The following RBFOX1 variants were observed in gnomAD, a reference collection of about 807,000 sequenced individuals.
The protein encoded by RBFOX1 is RNA binding fox-1 homolog 1, also known as RNA binding protein fox-1 homolog 1.
Under a neutral mutation model 57.7 loss-of-function variants are expected in RBFOX1, and 8 were observed. The ratio of observed to expected loss-of-function variants is 0.14; its 90% confidence interval spans 0.08 to 0.25. RBFOX1 has a LOEUF of 0.25. Ranked by LOEUF, RBFOX1 falls within the 10% of genes least tolerant of loss-of-function variation. The pLI is 1.00. For synonymous variants in RBFOX1, 326 were observed against 222.4 expected (o/e 1.47, Z -4.15); for missense variants, 611 against 548.5 (o/e 1.11, Z -1.14).
intron 2 of RBFOX1, among the ~76,000 whole-genome samples, chr16:6,536,468 A>T (rs1198027878): frequency 2.0e-5 from 3 of 152,166 alleles, no homozygotes; most frequent in Non-Finnish European, 4.4e-5. Context: ...ATCCCTCATA[A>T]ATTCCGTATC....
At chr16:6,075,237 T>G (rs1439588423) in intron 1 of RBFOX1, among the ~76,000 whole-genome samples, 2 of 152,230 alleles carry the variant, frequency 1.3e-5, no homozygotes, top group Non-Finnish European at 2.9e-5. Context: ...GCAATGCCAT[T>G]ACCGATGCAT....
chr16:5,250,493 A>G (rs1242465163), intron 1 of RBFOX1, among the ~76,000 whole-genome samples: 2 of 151,450 alleles, frequency 1.3e-5, no homozygotes, highest in Non-Finnish European at 2.9e-5. Flanking sequence ...TCATTGTTCA[A>G]CTCCCACTTA....
At chr16:7,219,227 C>A (rs550437034) in intron 4 of RBFOX1, among the ~76,000 whole-genome samples, 1 of 152,154 alleles carries the variant, frequency 6.6e-6, no homozygotes, top group African/African-American at 2.4e-5. Flanking sequence ...GCATGCTCTA[C>A]CAATTAACAC....
intron 1 of RBFOX1, among the ~76,000 whole-genome samples, chr16:5,380,937 A>C (rs115975067): frequency 0.011 from 1,733 of 152,346 alleles, 20 homozygotes; most frequent in African/African-American, 0.027. Context: ...CTTTTTATGC[A>C]CTAAAATGGC....
intron 2 of RBFOX1, among the ~76,000 whole-genome samples, chr16:5,560,177 C>T (rs550285411): frequency 6.6e-6 from 1 of 152,294 alleles, no homozygotes; most frequent in South Asian, 2.1e-4. Context: ...TGTGCACACA[C>T]TTTGTGAAAT....
chr16:6,835,620 G>A (rs566357280), intron 3 of RBFOX1, among the ~76,000 whole-genome samples: 1 of 151,914 alleles, frequency 6.6e-6, no homozygotes, highest in South Asian at 2.1e-4. Context: ...GGGCATGGTG[G>A]TGCACGACTG....
intron 5 of RBFOX1, among the ~76,000 whole-genome samples, chr16:7,568,880 C>G (rs1164823571): frequency 2.0e-4 from 4 of 19,644 alleles, no homozygotes; most frequent in Non-Finnish European, 5.5e-4. Flanking sequence ...GAGACTCTGT[C>G]TCAAAAAAAA....
At chr16:7,557,619 C>CAAAAAAAAAAAAAAAAA (rs1170051114) in intron 5 of RBFOX1, among the ~76,000 whole-genome samples, 2 of 40,762 alleles carry the variant, frequency 4.9e-5, no homozygotes, top group African/African-American at 9.1e-5. Flanking sequence ...GACTCTGTCT[C>CAAAAAAAAAAAAAAAAA]AAAAAAAAAA....
At chr16:5,461,589 C>A (rs577632295) in intron 1 of RBFOX1, among the ~76,000 whole-genome samples, 1 of 152,314 alleles carries the variant, frequency 6.6e-6, no homozygotes, top group South Asian at 2.1e-4. Flanking sequence ...CAGAGTCTGC[C>A]TTAATCCTTG....
At chr16:6,573,233 C>T (rs902198372) in intron 2 of RBFOX1, among the ~76,000 whole-genome samples, 3 of 152,244 alleles carry the variant, frequency 2.0e-5, no homozygotes, top group Admixed American at 6.5e-5. Flanking sequence ...AGCCATCAGA[C>T]GTGGGTCATG....
intron 3 of RBFOX1, among the ~76,000 whole-genome samples, chr16:5,623,948 A>G (rs1206346675): frequency 6.6e-6 from 1 of 152,208 alleles, no homozygotes; most frequent in African/African-American, 2.4e-5. Context: ...AGCACAATCA[A>G]CTTTAGAACA....
At chr16:7,628,959 A>G (rs1261090602) in intron 10 of RBFOX1, among the ~76,000 whole-genome samples, 1 of 152,228 alleles carries the variant, frequency 6.6e-6, no homozygotes, top group Non-Finnish European at 1.5e-5. Flanking sequence ...AGTTTAGCAC[A>G]GGTGAATCAT....
chr16:7,369,776 G>C (rs965709660), intron 4 of RBFOX1, among the ~76,000 whole-genome samples: 1 of 152,120 alleles, frequency 6.6e-6, no homozygotes, highest in Non-Finnish European at 1.5e-5. Context: ...TGAAAAATAA[G>C]TAAATAATAA....
At chr16:6,626,683 C>T (rs963599128) in intron 2 of RBFOX1, among the ~76,000 whole-genome samples, 2 of 151,970 alleles carry the variant, frequency 1.3e-5, no homozygotes, top group African/African-American at 4.8e-5. Flanking sequence ...TTGCTTGAAC[C>T]CGGGAGACAG....
At chr16:6,200,451 T>C (rs1212248819) in intron 1 of RBFOX1, among the ~76,000 whole-genome samples, 1 of 152,126 alleles carries the variant, frequency 6.6e-6, no homozygotes, top group East Asian at 1.9e-4. Context: ...TGCCTTCTTG[T>C]TAGCAAGAGT....
At chr16:7,535,784 G>C (rs1360395593) in intron 5 of RBFOX1, among the ~76,000 whole-genome samples, 1 of 152,086 alleles carries the variant, frequency 6.6e-6, no homozygotes, top group Non-Finnish European at 1.5e-5. Flanking sequence ...TTTAATATTT[G>C]GCATAAAGCT....
At chr16:5,682,450 A>C (rs754777272) in intron 3 of RBFOX1, among the ~76,000 whole-genome samples, 2 of 152,246 alleles carry the variant, frequency 1.3e-5, no homozygotes, top group East Asian at 1.9e-4. Context: ...GATAAGCATC[A>C]TACAATTTGA....
chr16:7,004,668 A>T (rs149399341), intron 3 of RBFOX1, among the ~76,000 whole-genome samples: 2 of 152,308 alleles, frequency 1.3e-5, no homozygotes, highest in East Asian at 1.9e-4. Context: ...CATTTTTTCT[A>T]TATAGGGAAA....
At chr16:7,476,422 G>C (rs144668851) in intron 4 of RBFOX1, among the ~76,000 whole-genome samples, 1 of 152,174 alleles carries the variant, frequency 6.6e-6, no homozygotes, top group Non-Finnish European at 1.5e-5. Context: ...TTTGAAAAAT[G>C]CCTGACACGT....
Sources: allele counts gnomAD v4.1 joint callset (sites outside exome capture counted in the v4.1 genomes callset), GRCh38; gene constraint gnomAD v4.1.1; transcripts MANE v1.5; gene names NCBI Gene and HGNC (gene_info 2026-07-23, HGNC 2026-07-21).